The following OR2L13 variants were observed in gnomAD, a reference collection of about 807,000 sequenced individuals.
The protein encoded by OR2L13 is olfactory receptor family 2 subfamily L member 13.
Under a neutral mutation model 15.3 loss-of-function variants are expected in OR2L13, and 14 were observed. That is an observed-to-expected ratio of 0.91 (90% confidence interval 0.60 to 1.43). OR2L13 has a LOEUF of 1.43. Ranked by LOEUF, OR2L13 falls within the 40% of genes most tolerant of loss-of-function variation. The probability of loss-of-function intolerance (pLI) is 0.00; values close to 1 mark genes in which losing one functional copy is unlikely to be tolerated. For missense variants in OR2L13, 367 were observed against 387.9 expected (o/e 0.95, Z 0.45); for synonymous variants, 152 against 142.9 (o/e 1.06, Z -0.45).
chr1:247,984,909 G>T, the OR2L13 span, among the ~76,000 whole-genome samples: 2 of 152,010 alleles, frequency 1.3e-5, no homozygotes, highest in African/African-American at 4.8e-5. Flanking sequence ...GCTATCCCCT[G>T]GGTTCCAGCA....
the OR2L13 span, among the ~76,000 whole-genome samples, chr1:247,941,077 T>C: frequency 2.0e-5 from 3 of 152,192 alleles, no homozygotes; most frequent in Non-Finnish European, 4.4e-5. Context: ...TCATGTACTT[T>C]GTGCATTTTT....
chr1:247,978,001 T>C, the OR2L13 span, among the ~76,000 whole-genome samples: 1 of 152,144 alleles, frequency 6.6e-6, no homozygotes, highest in Non-Finnish European at 1.5e-5. Context: ...TGAGGCTTCC[T>C]TTCTTTTCTT....
the OR2L13 span, among the ~76,000 whole-genome samples, chr1:247,963,893 T>A: frequency 6.6e-6 from 1 of 152,124 alleles, no homozygotes; most frequent in Non-Finnish European, 1.5e-5. Context: ...TTAAAACACA[T>A]ACACACACAT....
At chr1:248,077,890 T>C in the OR2L13 span, among the ~76,000 whole-genome samples, 1 of 152,028 alleles carries the variant, frequency 6.6e-6, no homozygotes, top group East Asian at 1.9e-4. Context: ...TATGTCAATA[T>C]ATGAAAATCA....
At chr1:247,989,965 C>A in the OR2L13 span, among the ~76,000 whole-genome samples, 9 of 151,946 alleles carry the variant, frequency 5.9e-5, no homozygotes, top group Non-Finnish European at 1.2e-4. Flanking sequence ...AAACACCGTT[C>A]AATAAGATAT....
At chr1:247,988,375 G>A in the OR2L13 span, among the ~76,000 whole-genome samples, 9 of 151,324 alleles carry the variant, frequency 5.9e-5, no homozygotes, top group South Asian at 2.1e-4. Flanking sequence ...GTCATTTATC[G>A]TTACCTGTCA....
At chr1:248,096,184 C>G (rs926039496), upstream of OR2L13, among the ~76,000 whole-genome samples, 10 of 151,772 alleles carry the variant, frequency 6.6e-5, no homozygotes, top group Non-Finnish European at 1.3e-4. Flanking sequence ...CGAGACCATC[C>G]TGGCTAACAC....
At chr1:247,951,103 G>A in the OR2L13 span, among the ~76,000 whole-genome samples, 120,997 of 152,156 alleles carry the variant, frequency 0.8, 52,491 homozygotes, top group South Asian at 0.95. Context: ...CTAGAGATAC[G>A]TGGATTTATT....
chr1:248,009,558 G>C, the OR2L13 span, among the ~76,000 whole-genome samples: 2 of 152,130 alleles, frequency 1.3e-5, no homozygotes, highest in African/African-American at 2.4e-5. Context: ...AAAAGCCCAG[G>C]ATCAGATGGA....
chr1:248,012,892 T>C, the OR2L13 span, among the ~76,000 whole-genome samples: 3 of 151,944 alleles, frequency 2.0e-5, no homozygotes, highest in African/African-American at 4.8e-5. Flanking sequence ...ATAGAAGGCA[T>C]ATTTAATTTA....
chr1:248,006,443 C>T, the OR2L13 span, among the ~76,000 whole-genome samples: 2 of 152,014 alleles, frequency 1.3e-5, no homozygotes, highest in African/African-American at 4.8e-5. Flanking sequence ...TTGAAACTTC[C>T]AATGATAACA....
the OR2L13 span, among the ~76,000 whole-genome samples, chr1:248,086,022 T>G: frequency 2.1e-5 from 3 of 145,264 alleles, no homozygotes; most frequent in African/African-American, 5.7e-5. Context: ...CTAAAAAGAT[T>G]ACTAAAAAAA....
chr1:248,077,689 G>T, the OR2L13 span, among the ~76,000 whole-genome samples: 1 of 151,918 alleles, frequency 6.6e-6, no homozygotes, highest in African/African-American at 2.4e-5. Context: ...GAAAAACTGT[G>T]TAAGTACGAC....
At chr1:247,993,549 C>A in the OR2L13 span, among the ~76,000 whole-genome samples, 2 of 151,902 alleles carry the variant, frequency 1.3e-5, no homozygotes, top group Non-Finnish European at 2.9e-5. Context: ...TCTGCTGAAC[C>A]AGGAGTACCA....
the OR2L13 span, among the ~76,000 whole-genome samples, chr1:248,045,062 C>G: frequency 6.6e-6 from 1 of 152,144 alleles, no homozygotes; most frequent in Non-Finnish European, 1.5e-5. Context: ...GTCTCTTGCT[C>G]TTTTACAACA....
chr1:247,958,203 A>G, the OR2L13 span, among the ~76,000 whole-genome samples: 13 of 152,156 alleles, frequency 8.5e-5, no homozygotes, highest in African/African-American at 3.1e-4. Flanking sequence ...TTATGTACCC[A>G]GTAGTCATTC....
the OR2L13 span, among the ~76,000 whole-genome samples, chr1:248,006,796 C>T: frequency 6.3e-3 from 956 of 152,180 alleles, 11 homozygotes; most frequent in African/African-American, 0.021. Context: ...GCAGACAGTA[C>T]CAACTATGGT....
chr1:248,068,369 C>T, the OR2L13 span, among the ~76,000 whole-genome samples: 1 of 152,116 alleles, frequency 6.6e-6, no homozygotes, highest in Non-Finnish European at 1.5e-5. Context: ...GCCACTGCTG[C>T]TGGTACCCAG....
At chr1:248,017,791 C>T in the OR2L13 span, among the ~76,000 whole-genome samples, 90 of 152,184 alleles carry the variant, frequency 5.9e-4, no homozygotes, top group African/African-American at 2.2e-3. Flanking sequence ...TGATTTGCTT[C>T]GTGATTCCGT....
Sources: gnomAD v4.1 joint callset for allele counts (sites outside exome capture counted in the v4.1 genomes callset) on GRCh38, gnomAD v4.1.1 for gene constraint, MANE v1.5 for transcripts, NCBI Gene and HGNC (gene_info 2026-07-23, HGNC 2026-07-21) for gene names.